Variants in HLCS observed in about 807,000 individuals in gnomAD.
HLCS encodes the protein holocarboxylase synthetase, also known as biotin--protein ligase.
In HLCS, 53 loss-of-function variants were observed where a neutral mutation model predicts 75.0. That is an observed-to-expected ratio of 0.71 (90% CI 0.57 to 0.89). The LOEUF (loss-of-function observed/expected upper bound fraction) is 0.89. Ranked by LOEUF, HLCS falls within the 40% of genes least tolerant of loss-of-function variation. HLCS has a pLI of 0.00. For missense variants in HLCS, 966 were observed against 1,074.0 expected (o/e 0.90, Z 1.41); for synonymous variants, 431 against 428.6 (o/e 1.01, Z -0.07).
chr21:36,985,560 GATC>G (rs2146748806), intron 1 of HLCS, among the ~76,000 whole-genome samples: 1 of 152,350 alleles, frequency 6.6e-6, no homozygotes, highest in South Asian at 2.1e-4. Flanking sequence ...GAGATCAAGA[GATC>G]GAGACCATCC....
intron 4 of HLCS, among the ~76,000 whole-genome samples, chr21:36,936,015 A>C (rs1485945969): frequency 1.3e-5 from 2 of 152,158 alleles, no homozygotes; most frequent in Non-Finnish European, 2.9e-5. Context: ...ATTTCATCGC[A>C]GTGGTCACTG....
chr21:36,988,993 T>C (rs1393142486), intron 1 of HLCS, among the ~76,000 whole-genome samples: 1 of 146,608 alleles, frequency 6.8e-6, no homozygotes, highest in East Asian at 2.0e-4. Context: ...TGGTAGGGGA[T>C]TTTTTTTTCT....
intron 1 of HLCS, among the ~76,000 whole-genome samples, chr21:36,963,647 G>A (rs548182587): frequency 6.6e-6 from 1 of 152,092 alleles, no homozygotes; most frequent in Non-Finnish European, 1.5e-5. Flanking sequence ...AGCTACTCGG[G>A]AGGCTAAGGC....
intron 9 of HLCS, among the ~76,000 whole-genome samples, chr21:36,758,568 C>G (rs890259145): frequency 6.6e-6 from 1 of 152,298 alleles, no homozygotes; most frequent in East Asian, 1.9e-4. Context: ...CAAGCCACTA[C>G]GCCTGGCCTT....
intron 5 of HLCS, among the ~76,000 whole-genome samples, chr21:36,908,974 C>CA (rs2065583099): frequency 6.6e-6 from 1 of 152,114 alleles, no homozygotes. Flanking sequence ...GCGGGCGGAT[C>CA]ACAAGGTCAG....
At chr21:36,979,774 C>T (rs902090169) in intron 1 of HLCS, among the ~76,000 whole-genome samples, 53 of 151,816 alleles carry the variant, frequency 3.5e-4, no homozygotes, top group African/African-American at 1.2e-3. Context: ...ATTAGCCAGG[C>T]GGCCAGGTGT....
chr21:36,868,512 A>G (rs2063651309), intron 6 of HLCS, among the ~76,000 whole-genome samples: 1 of 152,168 alleles, frequency 6.6e-6, no homozygotes, highest in African/African-American at 2.4e-5. Context: ...AAAGCTGATA[A>G]TCTATAGAAC....
At chr21:36,854,201 T>C (rs910505496) in intron 6 of HLCS, among the ~76,000 whole-genome samples, 1 of 152,174 alleles carries the variant, frequency 6.6e-6, no homozygotes, top group Admixed American at 6.5e-5. Flanking sequence ...AATTAAGCTT[T>C]TGATGAGAAC....
At chr21:36,888,438 A>T (rs1449900500) in intron 6 of HLCS, among the ~76,000 whole-genome samples, 4 of 30,384 alleles carry the variant, frequency 1.3e-4, no homozygotes, top group African/African-American at 4.6e-4. Flanking sequence ...CATTTAAAAA[A>T]AAAAAAAATA....
chr21:36,781,117 G>A (rs374312394), intron 6 of HLCS, among the ~76,000 whole-genome samples: 5 of 151,974 alleles, frequency 3.3e-5, no homozygotes, highest in Admixed American at 1.3e-4. Context: ...TGTGAACTGC[G>A]CATGCAAGGG....
At chr21:36,775,677 G>C (rs1311733493) in intron 6 of HLCS, among the ~76,000 whole-genome samples, 1 of 134,162 alleles carries the variant, frequency 7.5e-6, no homozygotes, top group African/African-American at 2.9e-5. Flanking sequence ...TTTTCAGGCT[G>C]TTCAGATCTC....
chr21:36,808,752 C>G (rs1010647145), intron 6 of HLCS, among the ~76,000 whole-genome samples: 7 of 152,206 alleles, frequency 4.6e-5, no homozygotes, highest in African/African-American at 1.7e-4. Flanking sequence ...AGTCTTTACT[C>G]TTTTCCAAGG....
intron 6 of HLCS, among the ~76,000 whole-genome samples, chr21:36,771,698 G>A (rs187211021): frequency 5.9e-5 from 9 of 152,038 alleles, no homozygotes; most frequent in African/African-American, 1.9e-4. Context: ...ATGTTTTGAA[G>A]TATGCTTTTA....
intron 6 of HLCS, among the ~76,000 whole-genome samples, chr21:36,778,284 T>C (rs781569857): frequency 2.0e-5 from 3 of 149,496 alleles, no homozygotes; most frequent in Non-Finnish European, 4.4e-5. Context: ...AATCAATTAT[T>C]ATTATTATTT....
chr21:36,767,166 T>C, intron 7 of HLCS, 52 bp downstream of exon 7: 1 of 1,558,892 alleles, frequency 6.4e-7, no homozygotes, highest in Non-Finnish European at 8.9e-7. Context: ...CCACAAGAGT[T>C]GCAGAGTTTA....
chr21:36,913,971 AG>A (rs765383834), intron 5 of HLCS, among the ~76,000 whole-genome samples: 5 of 152,206 alleles, frequency 3.3e-5, no homozygotes, highest in Non-Finnish European at 7.3e-5. Context: ...GGCAGAGGTA[AG>A]AGAACCCAAG....
chr21:36,946,778 T>C (rs1295499041), intron 2 of HLCS, among the ~76,000 whole-genome samples: 1 of 152,178 alleles, frequency 6.6e-6, no homozygotes, highest in East Asian at 1.9e-4. Context: ...TCCTTCCACT[T>C]TACCACCTAC....
chr21:36,933,459 G>A (rs991199571), intron 4 of HLCS, among the ~76,000 whole-genome samples: 1 of 149,056 alleles, frequency 6.7e-6, no homozygotes, highest in Non-Finnish European at 1.5e-5. Flanking sequence ...GCTGAGGCAG[G>A]AGAATCACTT....
chr21:36,915,090 C>T (rs2065878194), intron 5 of HLCS, among the ~76,000 whole-genome samples: 1 of 152,222 alleles, frequency 6.6e-6, no homozygotes, highest in Non-Finnish European at 1.5e-5. Flanking sequence ...CCACCATCCT[C>T]AGCTATTTGC....
Sources: allele counts gnomAD v4.1 joint callset (sites outside exome capture counted in the v4.1 genomes callset), GRCh38; gene constraint gnomAD v4.1.1; transcripts MANE v1.5; gene names NCBI Gene and HGNC (gene_info 2026-07-23, HGNC 2026-07-21).